The following PMS2 variants were observed in gnomAD, a reference collection of about 807,000 sequenced individuals.
The protein encoded by PMS2 is PMS1 homolog 2, mismatch repair system component, also known as mismatch repair endonuclease PMS2.
PMS2 carries 69 observed loss-of-function variants against 90.0 expected under a neutral mutation model. The observed-to-expected ratio is 0.77, with a 90% CI of 0.63 to 0.94. PMS2 has a LOEUF of 0.94. Among genes scored for constraint, PMS2 ranks in the 40% least tolerant of loss-of-function variants. The pLI is 0.00. For synonymous variants in PMS2, 332 were observed against 375.1 expected (o/e 0.89, Z 1.33); for missense variants, 966 against 1,040.2 (o/e 0.93, Z 0.98).
In PMS2 at chr7:5,978,624, A is replaced by G. The variant is rs200824831; in HGVS notation, c.2247T>C (p.Asn749=). 6.2e-7 allele frequency: 1 copy of G among 1,604,106 alleles called. No homozygotes were observed. Among genetic ancestry groups the G allele is most frequent in the Non-Finnish European group, 8.5e-7 (1 of 1,173,550 alleles). The change falls in exon 13 of 15, where the codon AAT becomes AAC. Residue 749 remains asparagine, a synonymous_variant. Coordinates refer to ENST00000265849, the MANE Select transcript of PMS2 (RefSeq NM_000535.7). ...TTTCATCGATAACAAAATCAAAGCC[A>G]TTCTTTCTAAATATTTCCAGATTTT... is the stretch of plus-strand genomic sequence containing the variant. ...LIENLEIFRK[N]GFDFVIDENA...
chr7:6,008,830 G>C (rs1473800863), intron 1 of PMS2, among the ~76,000 whole-genome samples, 167 bp downstream of exon 1: 2 of 152,138 alleles, frequency 1.3e-5, no homozygotes, highest in African/African-American at 4.8e-5. Flanking sequence ...CGCACCCAAG[G>C]GGCACGAGAT....
intron 5 of PMS2, among the ~76,000 whole-genome samples, chr7:6,000,923 G>C (rs940835140): frequency 6.6e-6 from 1 of 152,082 alleles, no homozygotes; most frequent in Admixed American, 6.6e-5. Context: ...CCCAGGAGGT[G>C]GAGGTTGCAG....
At chr7:5,988,729 T>C (rs1431276559) in intron 10 of PMS2, among the ~76,000 whole-genome samples, 1 of 152,248 alleles carries the variant, frequency 6.6e-6, no homozygotes, top group Non-Finnish European at 1.5e-5. Flanking sequence ...AAATGAATTT[T>C]GCCACATGAC....
At chr7:5,986,620 A>AG (rs1237072302) in intron 11 of PMS2, 139 bp downstream of exon 11, 13 of 594,060 alleles carry the variant, frequency 2.2e-5, no homozygotes, top group Non-Finnish European at 3.7e-5. Flanking sequence ...TGAACCCGGG[A>AG]GGTGGAGGCT....
At position 6,007,790 on chromosome 7, in the gene PMS2, T is replaced by C. The variant is rs929702748; in HGVS notation, c.23+1207A>G. Among the ~76,000 whole-genome samples, 7 of 151,106 alleles carry C rather than the reference T, an allele frequency of 4.6e-5. No individual in the cohort carries two copies. The Middle Eastern group carries it at 0.01, about 223-fold the overall frequency. Reference sequence around the variant, plus strand: ...AAACTGCAGATGACCTCACAGAAAATGGAAAGAAGTATCTCTAAAAATAAG... The same window carrying C: ...AAACTGCAGATGACCTCACAGAAAACGGAAAGAAGTATCTCTAAAAATAAG... On this transcript the variant is annotated intron_variant, in intron 1 of 14. Coordinates refer to ENST00000265849, the MANE Select transcript of PMS2 (RefSeq NM_000535.7).
intron 14 of PMS2, among the ~76,000 whole-genome samples, chr7:5,977,014 G>C: frequency 8.5e-6 from 1 of 117,350 alleles, no homozygotes; most frequent in African/African-American, 3.1e-5. Flanking sequence ...CTGGGGGACA[G>C]AGGGAGAATC....
Position 5,995,644 on chromosome 7 carries a change from T to A in PMS2, c.804-11A>T, listed in dbSNP as rs2128776611. On this transcript the variant is annotated splice_polypyrimidine_tract_variant and intron_variant, in intron 7 of 14. Coordinates refer to ENST00000265849, the MANE Select transcript of PMS2 (RefSeq NM_000535.7). ...ATGAAACCTGAGATGCTATTCAACA[T>A]TAATATGGTAAGGGCAGGATTCCAG... is the stretch of plus-strand genomic sequence containing the variant. 2 of 1,568,468 alleles carry A rather than the reference T, an allele frequency of 1.3e-6. No homozygotes were observed. The highest frequency in any genetic ancestry group is 1.8e-6 in the Non-Finnish European group (2 of 1,138,320).
intron 2 of PMS2, among the ~76,000 whole-genome samples, chr7:6,005,106 T>C (rs1785581717): frequency 6.6e-6 from 1 of 152,066 alleles, no homozygotes; most frequent in Non-Finnish European, 1.5e-5. Context: ...GGTTTCATCA[T>C]GTTGGTTAGG....
chr7:5,981,052 C>T (rs1367389429), intron 12 of PMS2, among the ~76,000 whole-genome samples: 4 of 151,642 alleles, frequency 2.6e-5, no homozygotes, highest in East Asian at 1.9e-4. Flanking sequence ...GGTTTAATTT[C>T]CCACACGAAA....
chr7:5,984,796 C>G (rs190988224), intron 11 of PMS2, among the ~76,000 whole-genome samples: 10 of 150,442 alleles, frequency 6.6e-5, no homozygotes, highest in African/African-American at 1.5e-4. Context: ...AAAAAAAAAA[C>G]AAAGGAGCTG....
At chr7:5,995,296 C>G (rs986634883) in intron 8 of PMS2, among the ~76,000 whole-genome samples, 2 of 152,184 alleles carry the variant, frequency 1.3e-5, no homozygotes, top group Non-Finnish European at 1.5e-5. Context: ...CTCGGCCTCC[C>G]AAAGTGCTGG....
At chr7:5,992,173 G>GTTT in intron 8 of PMS2, 116 bp from the exon 9 acceptor site, 39 of 543,234 alleles carry the variant, frequency 7.2e-5, no homozygotes, top group East Asian at 1.3e-4. Flanking sequence ...ATACTTTTTT[G>GTTT]TTTTTTTTTT....
intron 5 of PMS2, among the ~76,000 whole-genome samples, chr7:6,001,461 C>T (rs1284367537): frequency 3.3e-5 from 5 of 150,922 alleles, no homozygotes; most frequent in Admixed American, 1.3e-4. Flanking sequence ...ACCTCTGCCT[C>T]CCGGATTCCA....
At chr7:5,981,001 G>A (rs1214780464) in intron 12 of PMS2, among the ~76,000 whole-genome samples, 5 of 151,654 alleles carry the variant, frequency 3.3e-5, no homozygotes, top group Non-Finnish European at 7.3e-5. Context: ...ATTTCTCCAT[G>A]TGGGATCTAC....
chr7:5,993,370 C>CAAAAAAA (rs141290969), intron 8 of PMS2, among the ~76,000 whole-genome samples: 10 of 72,914 alleles, frequency 1.4e-4, no homozygotes, highest in Admixed American at 2.1e-4. Context: ...GACTCCGTCT[C>CAAAAAAA]AAAAAAAAAA....
At chr7:5,988,014 C>A (rs1783240777) in intron 10 of PMS2, among the ~76,000 whole-genome samples, 1 of 133,784 alleles carries the variant, frequency 7.5e-6, no homozygotes, top group South Asian at 2.6e-4. Flanking sequence ...GATGCCACCA[C>A]TGCTCTCCAG....
At position 5,986,955 on chromosome 7, in the gene PMS2, G is replaced by C. The variant is rs1064793426; in HGVS notation, c.1810C>G (p.Gln604Glu). 9 of 1,613,540 alleles carry C rather than the reference G, an allele frequency of 5.6e-6. No homozygotes were observed. Among genetic ancestry groups the C allele is most frequent in the Non-Finnish European group, 7.6e-6 (9 of 1,179,472 alleles). The part of the protein sequence containing the change: ...LVNTQDMSAS[Q>E]VDVAVKINKK... Reference sequence around the variant, plus strand: ...TTAATTTTCACAGCTACATCAACCTGAGAGGCTGACATGTCCTGAGTATTT... The same window carrying C: ...TTAATTTTCACAGCTACATCAACCTCAGAGGCTGACATGTCCTGAGTATTT... The change falls in exon 11 of 15, where the codon CAG becomes GAG. Residue 604 changes from glutamine to glutamate, a missense_variant. Physicochemically the swap from Gln to Glu is conservative, Grantham distance 29. Coordinates refer to ENST00000265849, the MANE Select transcript of PMS2 (RefSeq NM_000535.7).
Position 6,006,026 on chromosome 7 carries a change from T to G in PMS2, c.29A>C (p.Glu10Ala), listed in dbSNP as rs878854050. The change falls in exon 2 of 15, where the codon GAA becomes GCA. Residue 10 changes from glutamate to alanine, a missense_variant. Transcript: ENST00000265849. MERAESSST[E>A]PAKAIKPIDR... is the part of the protein sequence containing the mutation. ...AATAGGTTTGATGGCCTTAGCAGGT[T>G]CTGTACTAGAGAAATCAGTTACAAG... 1.9e-6 allele frequency: 3 copies of G among 1,610,590 alleles called. No individual in the cohort carries two copies. The African/African-American group carries it at 4.0e-5, about 22-fold the overall frequency.
At chr7:5,989,388 G>A (rs1783461428) in intron 10 of PMS2, among the ~76,000 whole-genome samples, 1 of 152,060 alleles carries the variant, frequency 6.6e-6, no homozygotes, top group Non-Finnish European at 1.5e-5. Context: ...AGCTGAGATC[G>A]CATCATTGCA....
Sources: gnomAD v4.1 joint callset for allele counts (sites outside exome capture counted in the v4.1 genomes callset) on GRCh38, gnomAD v4.1.1 for gene constraint, MANE v1.5 for transcripts, NCBI Gene and HGNC (gene_info 2026-07-23, HGNC 2026-07-21) for gene names.